Variants in PPP6R3 observed in about 807,000 individuals in gnomAD.
The protein encoded by PPP6R3 is protein phosphatase 6 regulatory subunit 3.
A neutral mutation model predicts 110.7 loss-of-function variants in PPP6R3; 38 were observed. The observed-to-expected ratio is 0.34, with a 90% CI of 0.26 to 0.45. PPP6R3 has a LOEUF of 0.45. Among genes scored for constraint, PPP6R3 ranks in the 20% least tolerant of loss-of-function variants. PPP6R3 has a pLI of 1.00. For missense variants in PPP6R3, 870 were observed against 1,062.4 expected (o/e 0.82, Z 2.52); for synonymous variants, 369 against 373.5 (o/e 0.99, Z 0.14).
intron 1 of PPP6R3, among the ~76,000 whole-genome samples, chr11:68,508,711 C>T (rs987246469): frequency 1.3e-5 from 2 of 152,100 alleles, no homozygotes; most frequent in African/African-American, 4.8e-5. Flanking sequence ...TTATGTTACA[C>T]TTGCATTCTC....
chr11:68,513,897 T>C (rs2099122948), intron 1 of PPP6R3, among the ~76,000 whole-genome samples: 1 of 152,204 alleles, frequency 6.6e-6, no homozygotes, highest in Non-Finnish European at 1.5e-5. Context: ...ATATCTGCAT[T>C]TGTGAAAGAT....
Position 68,594,299 on chromosome 11 carries a change from G to A in PPP6R3, c.1917-1798G>A, listed in dbSNP as rs1041215700. ...GAGAGAGAGAGAGAGAGAGGAGAGA[G>A]GAGAGAGAGAGAGAGAGAGAAAAAG... On this transcript the variant is annotated intron_variant, in intron 18 of 23. Transcript: ENST00000393800. Among the ~76,000 whole-genome samples, 5 of 139,310 alleles carry A rather than the reference G, an allele frequency of 3.6e-5. No homozygotes were observed. The East Asian group carries it at 8.1e-4, about 23-fold the overall frequency. 91.4% of individuals were successfully genotyped at this position (139,310 alleles called of 152,430 possible). A position where few individuals can be genotyped will look rare whatever the true frequency, so the allele number is the denominator to read the frequency against.
chr11:68,562,124 C>G (rs994894136), intron 8 of PPP6R3, among the ~76,000 whole-genome samples: 1 of 151,576 alleles, frequency 6.6e-6, no homozygotes, highest in Admixed American at 6.6e-5. Flanking sequence ...AGTCAGCACT[C>G]AAAAGTTAAT....
At chr11:68,595,200 ATTT>A (rs71043443) in intron 18 of PPP6R3, among the ~76,000 whole-genome samples, 14 of 81,172 alleles carry the variant, frequency 1.7e-4, no homozygotes, top group African/African-American at 5.5e-4. Context: ...CATAAAAATA[ATTT>A]TTTTTTTTTT....
rs73516871 is a variant in PPP6R3 at position 68,488,073 on chromosome 11, T to C, written c.-158+27246T>C. Reference sequence around the variant, plus strand: ...GGCAAATACACATTAAGGATTGTTATGTCTTCTTGGAATATTTCTTCCTTT... The same window carrying C: ...GGCAAATACACATTAAGGATTGTTACGTCTTCTTGGAATATTTCTTCCTTT... On this transcript the variant is annotated intron_variant, in intron 1 of 23. Transcript: ENST00000393800. Among the ~76,000 whole-genome samples the C allele has an allele frequency of 2.8e-3, 425 of 152,378 alleles. 2 individuals carry two copies. The highest frequency in any genetic ancestry group is 0.01 in the African/African-American group (421 of 41,576).
chr11:68,548,761 A>G lies in PPP6R3; in HGVS notation c.552+557A>G, dbSNP rs142428458. Reference sequence around the variant, plus strand: ...ATGTAGACAGATGGTGATTTTTAGGATGTGTGCCTCTTGAATAGATGTCTC... The same window carrying G: ...ATGTAGACAGATGGTGATTTTTAGGGTGTGTGCCTCTTGAATAGATGTCTC... On this transcript the variant is annotated intron_variant, in intron 5 of 23. Transcript: ENST00000393800. Among the ~76,000 whole-genome samples, 344 of 152,272 alleles carry G rather than the reference A, an allele frequency of 2.3e-3. 1 individual carries two copies. Among genetic ancestry groups the G allele is most frequent in the Middle Eastern group, 0.02 (6 of 294 alleles).
At chr11:68,462,726 C>T (rs909857648) in intron 1 of PPP6R3, among the ~76,000 whole-genome samples, 3 of 152,200 alleles carry the variant, frequency 2.0e-5, no homozygotes, top group South Asian at 2.1e-4. Context: ...GAAATAAACT[C>T]ACAATCCTTT....
At chr11:68,583,773 A>AGAAG (rs1308637837) in intron 15 of PPP6R3, among the ~76,000 whole-genome samples, 11 of 152,240 alleles carry the variant, frequency 7.2e-5, no homozygotes. Flanking sequence ...AGTGAAAAAC[A>AGAAG]GAAGCCCTTT....
intron 3 of PPP6R3, among the ~76,000 whole-genome samples, chr11:68,540,248 C>T (rs1488021866): frequency 2.6e-5 from 4 of 152,120 alleles, no homozygotes; most frequent in Non-Finnish European, 4.4e-5. Flanking sequence ...AAGCGTCAGT[C>T]GGCTTGAGAA....
At chr11:68,607,527 C>A (rs1940840162) in intron 22 of PPP6R3, among the ~76,000 whole-genome samples, 1 of 152,224 alleles carries the variant, frequency 6.6e-6, no homozygotes, top group African/African-American at 2.4e-5. Flanking sequence ...ATGGATTATT[C>A]TTAGGAACCC....
intron 1 of PPP6R3, among the ~76,000 whole-genome samples, chr11:68,490,342 G>A (rs1591923674): frequency 6.6e-6 from 1 of 151,878 alleles, no homozygotes; most frequent in African/African-American, 2.4e-5. Flanking sequence ...CTCCCACCTT[G>A]ATTTCTTTTA....
intron 8 of PPP6R3, among the ~76,000 whole-genome samples, chr11:68,559,919 G>A (rs111879102): frequency 5.3e-5 from 5 of 95,170 alleles, no homozygotes; most frequent in Non-Finnish European, 1.1e-4. Flanking sequence ...CCAGCGGTAC[G>A]GTGCCCTCTT....
chr11:68,519,461 A>T, intron 1 of PPP6R3, 40 bp from the exon 2 acceptor site: 1 of 395,538 alleles, frequency 2.5e-6, no homozygotes, highest in Non-Finnish European at 4.5e-6. Flanking sequence ...ACACCAAAAG[A>T]GAACATATGT....
At chr11:68,579,256 T>C (rs2099543846) in intron 14 of PPP6R3, among the ~76,000 whole-genome samples, 1 of 152,214 alleles carries the variant, frequency 6.6e-6, no homozygotes, top group Non-Finnish European at 1.5e-5. Flanking sequence ...TAGCTTTCAC[T>C]TGTCACTAAT....
At chr11:68,588,201 A>C (rs1364951260) in intron 16 of PPP6R3, among the ~76,000 whole-genome samples, 177 bp downstream of exon 16, 2 of 152,122 alleles carry the variant, frequency 1.3e-5, no homozygotes, top group South Asian at 2.1e-4. Flanking sequence ...ATTAGGACTT[A>C]AAATAACACT....
At chr11:68,539,682 A>G (rs985489731) in intron 3 of PPP6R3, among the ~76,000 whole-genome samples, 2 of 152,234 alleles carry the variant, frequency 1.3e-5, no homozygotes, top group Admixed American at 6.5e-5. Context: ...CAGTCATTTA[A>G]GGAAGTTTAG....
chr11:68,575,047 C>T lies in PPP6R3; in HGVS notation c.1459+823C>T, dbSNP rs148040514. 2.7e-3 allele frequency among the ~76,000 whole-genome samples: 404 copies of T among 152,208 alleles called. 4 individuals carry two copies. The highest frequency in any genetic ancestry group is 8.5e-3 in the African/African-American group (353 of 41,516). On this transcript the variant is annotated intron_variant, in intron 13 of 23. Transcript: ENST00000393800. Reference sequence around the variant, plus strand: ...CAGGGATGGAAAAAGTGGTGTGTGCCCACTTCTAATTTTGCTTCTTGAGAG... The same window carrying T: ...CAGGGATGGAAAAAGTGGTGTGTGCTCACTTCTAATTTTGCTTCTTGAGAG...
At chr11:68,570,087 A>G (rs1291420898) in intron 11 of PPP6R3, among the ~76,000 whole-genome samples, 190 bp downstream of exon 11, 1 of 152,266 alleles carries the variant, frequency 6.6e-6, no homozygotes, top group Non-Finnish European at 1.5e-5. Context: ...ACAAATAACT[A>G]TTAAATGAAC....
chr11:68,550,449 A>G (rs577437854), intron 5 of PPP6R3, among the ~76,000 whole-genome samples: 73 of 152,198 alleles, frequency 4.8e-4, no homozygotes, highest in Non-Finnish European at 8.2e-4. Flanking sequence ...TGGGCTTCTT[A>G]TGGCATTAAT....
Sources: gnomAD v4.1 joint callset for allele counts (sites outside exome capture counted in the v4.1 genomes callset) on GRCh38, gnomAD v4.1.1 for gene constraint, MANE v1.5 for transcripts, NCBI Gene and HGNC (gene_info 2026-07-23, HGNC 2026-07-21) for gene names.